MVK: variants seen among roughly 807,000 people sequenced by gnomAD.
MVK encodes mevalonate kinase, also known as LH receptor mRNA-binding protein.
A neutral mutation model predicts 43.2 loss-of-function variants in MVK; 34 were observed. The observed-to-expected ratio is 0.79, with a 90% CI of 0.60 to 1.05. The LOEUF is 1.05. MVK is among the 50% of genes least tolerant of loss of function. The probability of loss-of-function intolerance (pLI) is 0.00; values close to 1 mark genes in which losing one functional copy is unlikely to be tolerated. For missense variants in MVK, 395 were observed against 504.0 expected, an observed-to-expected ratio of 0.78 and a Z score of 2.07; for synonymous variants, 190 against 219.8, an observed-to-expected ratio of 0.86 and a Z score of 1.20.
intron 5 of MVK, among the ~76,000 whole-genome samples, chr12:109,583,396 A>G (rs1371964694): frequency 2.0e-5 from 3 of 151,892 alleles, no homozygotes; most frequent in African/African-American, 7.3e-5. Context: ...ATGATTTCCA[A>G]TTTCATCCAT....
chr12:109,573,769 C>T, upstream of MVK: 1 of 472,022 alleles, frequency 2.1e-6, no homozygotes, highest in African/African-American at 2.0e-5. Flanking sequence ...TGAAGTACAA[C>T]GCCTCCTCCC....
chr12:109,593,716 A>ATTTTTT (rs33948292), intron 9 of MVK, among the ~76,000 whole-genome samples: 39 of 110,376 alleles, frequency 3.5e-4, no homozygotes, highest in African/African-American at 1.1e-3. Flanking sequence ...AAAGAAGCAG[A>ATTTTTT]TTTTTTTTTT....
At chr12:109,594,474 C>A (rs1460220936) in intron 9 of MVK, among the ~76,000 whole-genome samples, 6 of 152,170 alleles carry the variant, frequency 3.9e-5, no homozygotes, top group African/African-American at 1.4e-4. Flanking sequence ...TTGCAAATGG[C>A]AGAAATCCAT....
At chr12:109,579,023 ACT>A (rs1000658658) in intron 3 of MVK, 2 of 284,912 alleles carry the variant, frequency 7.0e-6, no homozygotes, top group African/African-American at 4.6e-5. Context: ...TTAACTTAAC[ACT>A]CTTTTGATTT....
At position 109,596,835 on chromosome 12, in the gene MVK, G is replaced by A. The variant is rs1885939643; in HGVS notation, c.*258G>A. ...CTCTGAGACTCCAGACCTGAGGCGA[G>A]AAGGGCTGCTTCCCTGAAGCTCCCA... On this transcript the variant is annotated 3_prime_UTR_variant, in exon 11 of 11. Coordinates refer to ENST00000228510, the MANE Select transcript of MVK (RefSeq NM_000431.4). 1.1e-5 allele frequency: 6 copies of A among 570,302 alleles called. No individual in the cohort carries two copies. Among genetic ancestry groups the A allele is most frequent in the Admixed American group, 3.0e-5 (1 of 32,828 alleles). 35.3% of individuals were successfully genotyped at this position (570,302 alleles called of 1,614,324 possible).
intron 7 of MVK, chr12:109,587,199 G>T (rs1885472796): frequency 7.0e-6 from 2 of 285,586 alleles, no homozygotes; most frequent in South Asian, 7.3e-5. Flanking sequence ...TCTGCTTGTG[G>T]GGGTGGGGCC....
chr12:109,575,022 C>G, intron 2 of MVK, 122 bp downstream of exon 2: 2 of 964,144 alleles, frequency 2.1e-6, no homozygotes, highest in Non-Finnish European at 3.2e-6. Flanking sequence ...TCAGGTTCTC[C>G]CCAGCCAGGC....
chr12:109,580,069 CTCA>C (rs1247857740), intron 4 of MVK, 123 bp downstream of exon 4: 19 of 1,440,896 alleles, frequency 1.3e-5, no homozygotes, highest in Non-Finnish European at 1.8e-5. Context: ...ATTGGCTGTC[CTCA>C]TCATGTGCCA....
At position 109,574,919 on chromosome 12, in the gene MVK, C is replaced by G. The variant is rs1884866650; in HGVS notation, c.78+19C>G. On this transcript the variant is annotated intron_variant, in intron 2 of 10. Coordinates refer to ENST00000228510, the MANE Select transcript of MVK (RefSeq NM_000431.4). ...TGGCAAGGTACAAAGCCGTTAGAGC[C>G]TTTAAGGATTGGGTACCCCTTCTCC... The G allele has an allele frequency of 1.3e-6, 2 of 1,597,536 alleles. No individual in the cohort carries two copies. Among genetic ancestry groups the G allele is most frequent in the African/African-American group, 2.7e-5 (2 of 74,706 alleles).
At chr12:109,585,241 T>G (rs979472341) in intron 5 of MVK, among the ~76,000 whole-genome samples, 1 of 152,138 alleles carries the variant, frequency 6.6e-6, no homozygotes, top group African/African-American at 2.4e-5. Flanking sequence ...GTGCTTTGGA[T>G]CTACTTGCAG....
intron 5 of MVK, among the ~76,000 whole-genome samples, chr12:109,584,235 A>T (rs554351472): frequency 6.6e-6 from 1 of 152,068 alleles, no homozygotes; most frequent in East Asian, 1.9e-4. Flanking sequence ...ATGTTAACTG[A>T]TGTTAACTCA....
At chr12:109,579,250 C>T (rs1266723596) in intron 3 of MVK, 1 of 438,774 alleles carries the variant, frequency 2.3e-6, no homozygotes, top group Non-Finnish European at 4.6e-6. Context: ...AGCGATCCTC[C>T]TGCCTCAGCC....
At position 109,596,598 on chromosome 12, in the gene MVK, G is replaced by T. The variant is rs373975614; in HGVS notation, c.*21G>T. The T allele has an allele frequency of 1.2e-6, 2 of 1,604,398 alleles. No homozygotes were observed. The highest frequency in any genetic ancestry group is 3.3e-5 in the Admixed American group (2 of 59,982). ...TCTGAGAGGAGCCCACGACACTGCA[G>T]CCCCACCCAGATGCCCCTTTCTGGA... On this transcript the variant is annotated 3_prime_UTR_variant, in exon 11 of 11. Coordinates refer to ENST00000228510, the MANE Select transcript of MVK (RefSeq NM_000431.4).
In MVK at chr12:109,574,858, G is replaced by T. The variant is rs1884860868; in HGVS notation, c.36G>T (p.Gly12=). Residue 12 remains glycine (G), a synonymous_variant, in exon 2 of 11, where the codon GGG becomes GGT. Transcript: ENST00000228510. The part of the protein sequence containing the change: ...LSEVLLVSAP[G]KVILHGEHAV... ...AAGTCCTACTGGTGTCTGCTCCGGG[G>T]AAAGTCATCCTTCATGGAGAACATG... The T allele has an allele frequency of 6.2e-7, 1 of 1,610,170 alleles. No homozygotes were observed. Among genetic ancestry groups the T allele is most frequent in the African/African-American group, 1.3e-5 (1 of 74,990 alleles).
At chr12:109,580,051 C>T in intron 4 of MVK, 105 bp downstream of exon 4, 1 of 1,533,734 alleles carries the variant, frequency 6.5e-7, no homozygotes, top group South Asian at 1.1e-5. Context: ...TCTTCTAGAG[C>T]AGCAGCCATT....
intron 9 of MVK, among the ~76,000 whole-genome samples, chr12:109,591,890 G>T (rs1593028490): frequency 6.6e-6 from 1 of 152,180 alleles, no homozygotes; most frequent in Non-Finnish European, 1.5e-5. Flanking sequence ...GTGTGATCAG[G>T]CCTGTGTGTG....
chr12:109,576,315 G>A (rs761604019), intron 3 of MVK, among the ~76,000 whole-genome samples, 170 bp downstream of exon 3: 1 of 152,066 alleles, frequency 6.6e-6, no homozygotes, highest in African/African-American at 2.4e-5. Context: ...AAATTTATAG[G>A]TGTAAAACAA....
chr12:109,581,132 T>C (rs1885196608), intron 4 of MVK, among the ~76,000 whole-genome samples: 1 of 151,952 alleles, frequency 6.6e-6, no homozygotes, highest in Admixed American at 6.6e-5. Flanking sequence ...GAGAAAGGGG[T>C]TGACAGCTTG....
chr12:109,578,377 A>C (rs1279432346), intron 3 of MVK, among the ~76,000 whole-genome samples: 2 of 151,970 alleles, frequency 1.3e-5, no homozygotes, highest in Non-Finnish European at 2.9e-5. Flanking sequence ...GAATATAAGC[A>C]CATACCACTG....
Sources: gnomAD v4.1 joint callset for allele counts (sites outside exome capture counted in the v4.1 genomes callset) on GRCh38, gnomAD v4.1.1 for gene constraint, MANE v1.5 for transcripts, NCBI Gene and HGNC (gene_info 2026-07-23, HGNC 2026-07-21) for gene names.